The following TMEM74 variants were observed in gnomAD, a reference collection of about 807,000 sequenced individuals.
TMEM74 encodes the protein transmembrane protein 74.
In TMEM74, 13 loss-of-function variants were observed where a neutral mutation model predicts 18.1. The observed-to-expected ratio is 0.72, with a 90% CI of 0.47 to 1.14. The LOEUF is 1.14. Among genes scored for constraint, TMEM74 ranks in the 50% most tolerant of loss-of-function variants. The pLI is 0.00. For missense variants in TMEM74, 372 were observed against 375.9 expected (o/e 0.99, Z 0.09); for synonymous variants, 159 against 146.6 (o/e 1.08, Z -0.61).
chr8:108,658,214 A>G (rs868087095), intron 1 of TMEM74, among the ~76,000 whole-genome samples: 3 of 152,032 alleles, frequency 2.0e-5, no homozygotes, highest in Non-Finnish European at 4.4e-5. Context: ...TCAGCAAATC[A>G]TACAAGTAGT....
At chr8:108,764,666 T>C (rs538635662) in intron 1 of TMEM74, among the ~76,000 whole-genome samples, 2 of 152,224 alleles carry the variant, frequency 1.3e-5, no homozygotes, top group South Asian at 4.1e-4. Context: ...GGTTGTGCAT[T>C]AGGCTCAGCT....
intron 1 of TMEM74, among the ~76,000 whole-genome samples, chr8:108,669,924 G>C (rs1473457953): frequency 1.3e-5 from 2 of 151,620 alleles, no homozygotes; most frequent in African/African-American, 4.8e-5. Flanking sequence ...TGTAATCCCA[G>C]GTATGGGGGA....
intron 1 of TMEM74, among the ~76,000 whole-genome samples, chr8:108,690,973 G>A (rs1251589502): frequency 6.6e-6 from 1 of 152,200 alleles, no homozygotes; most frequent in Non-Finnish European, 1.5e-5. Flanking sequence ...AACCAGGCAT[G>A]GAGGCTGGGT....
chr8:108,637,025 G>T (rs1586242556), intron 2 of TMEM74, among the ~76,000 whole-genome samples: 1 of 152,026 alleles, frequency 6.6e-6, no homozygotes, highest in African/African-American at 2.4e-5. Flanking sequence ...AGGTTCCTTG[G>T]AATTAAAATA....
At chr8:108,742,721 A>G (rs1158066670) in intron 1 of TMEM74, among the ~76,000 whole-genome samples, 1 of 152,130 alleles carries the variant, frequency 6.6e-6, no homozygotes, top group African/African-American at 2.4e-5. Context: ...TTGCTCAGCT[A>G]CTTACCATCT....
At chr8:108,620,627 G>A (rs1049070601) in intron 2 of TMEM74, among the ~76,000 whole-genome samples, 4 of 152,124 alleles carry the variant, frequency 2.6e-5, no homozygotes, top group African/African-American at 9.7e-5. Flanking sequence ...TATGTTTCCA[G>A]GTTTGTGTAT....
chr8:108,737,588 A>G (rs1035047663), intron 1 of TMEM74, among the ~76,000 whole-genome samples: 1 of 152,202 alleles, frequency 6.6e-6, no homozygotes, highest in African/African-American at 2.4e-5. Context: ...ATTGACAGAA[A>G]GACACTAAGT....
intron 1 of TMEM74, among the ~76,000 whole-genome samples, chr8:108,730,704 C>G (rs1813685790): frequency 6.7e-6 from 1 of 149,488 alleles, no homozygotes; most frequent in Non-Finnish European, 1.5e-5. Flanking sequence ...GCGATCTCAG[C>G]TCACTGCAAG....
chr8:108,662,004 G>C (rs143902844), intron 1 of TMEM74, among the ~76,000 whole-genome samples: 6 of 152,248 alleles, frequency 3.9e-5, no homozygotes, highest in Non-Finnish European at 7.4e-5. Context: ...ACGAAATGTG[G>C]ATTTCAGAGA....
rs1814270356 is a variant in TMEM74 at position 108,779,013 on chromosome 8, A to C, written c.*5168T>G. On this transcript the variant is annotated 3_prime_UTR_variant, in exon 2 of 2. Transcript: ENST00000297459. ...TCATTTTAATTTTTTTGGACAAATA[A>C]TTTCAAATATAATTTTAAAAGACCA... Among the ~76,000 whole-genome samples, 1 of 152,200 alleles carries C rather than the reference A, an allele frequency of 6.6e-6. No individual in the cohort carries two copies. The highest frequency in any genetic ancestry group is 1.5e-5 in the Non-Finnish European group (1 of 68,030).
chr8:108,687,841 G>A (rs1016278263), intron 1 of TMEM74, among the ~76,000 whole-genome samples: 42 of 152,150 alleles, frequency 2.8e-4, no homozygotes, highest in African/African-American at 7.7e-4. Context: ...AGCTTTGCTC[G>A]CTCACCCACC....
chr8:108,684,774 G>T (rs894967789), intron 1 of TMEM74, among the ~76,000 whole-genome samples: 1 of 151,120 alleles, frequency 6.6e-6, no homozygotes, highest in Admixed American at 6.6e-5. Context: ...GAGAGGCGGG[G>T]GGTTCTAAAT....
chr8:108,758,686 C>A (rs1339968831), intron 1 of TMEM74, among the ~76,000 whole-genome samples: 1 of 151,894 alleles, frequency 6.6e-6, no homozygotes, highest in East Asian at 1.9e-4. Context: ...ACCCTTGGAC[C>A]TATCAGAGAA....
intron 1 of TMEM74, among the ~76,000 whole-genome samples, chr8:108,677,828 C>T (rs938416986): frequency 2.0e-5 from 3 of 152,136 alleles, no homozygotes; most frequent in African/African-American, 4.8e-5. Context: ...TGGATCAGCC[C>T]AGGTCTTCCT....
At chr8:108,787,292 G>C (rs566441378) in intron 1 of TMEM74, among the ~76,000 whole-genome samples, 184 bp downstream of exon 1, 4 of 152,304 alleles carry the variant, frequency 2.6e-5, no homozygotes, top group Admixed American at 6.5e-5. Context: ...CAGGCGCCGA[G>C]GAATCCGGCT....
chr8:108,728,582 T>C (rs934471164), intron 1 of TMEM74, among the ~76,000 whole-genome samples: 1 of 152,186 alleles, frequency 6.6e-6, no homozygotes, highest in Non-Finnish European at 1.5e-5. Context: ...AAAACACTGA[T>C]TTATTGCTAT....
chr8:108,609,657 T>G (rs941427458), intron 2 of TMEM74, among the ~76,000 whole-genome samples: 1 of 152,054 alleles, frequency 6.6e-6, no homozygotes, highest in Non-Finnish European at 1.5e-5. Flanking sequence ...TTCAGAAGCT[T>G]GGACATGATA....
intron 1 of TMEM74, among the ~76,000 whole-genome samples, chr8:108,759,645 G>T (rs1400136700): frequency 6.6e-6 from 1 of 152,096 alleles, no homozygotes; most frequent in Admixed American, 6.6e-5. Flanking sequence ...CACAGATGTG[G>T]TCTCATTGGT....
At chr8:108,700,130 GGTGTGTGTGTGTGT>G (rs3049748) in intron 1 of TMEM74, among the ~76,000 whole-genome samples, 170 of 143,166 alleles carry the variant, frequency 1.2e-3, no homozygotes, top group Middle Eastern at 7.2e-3. Flanking sequence ...GGCCATAAAT[GGTGTGTGTGTGTGT>G]GTGTGTGTGT....
Sources: allele counts gnomAD v4.1 joint callset (sites outside exome capture counted in the v4.1 genomes callset), GRCh38; gene constraint gnomAD v4.1.1; transcripts MANE v1.5; gene names NCBI Gene and HGNC (gene_info 2026-07-23, HGNC 2026-07-21).